Variants in DIRAS2 observed in about 807,000 individuals in gnomAD.
DIRAS2 encodes the protein GTP-binding protein Di-Ras2.
Under a neutral mutation model 13.9 loss-of-function variants are expected in DIRAS2, and 5 were observed. That is an observed-to-expected ratio of 0.36 (90% CI 0.19 to 0.76). DIRAS2 has a LOEUF of 0.76. Ranked by LOEUF, DIRAS2 falls within the 30% of genes least tolerant of loss-of-function variation. DIRAS2 has a pLI of 0.53. For synonymous variants in DIRAS2, 111 were observed against 105.4 expected, an observed-to-expected ratio of 1.05 and a Z score of -0.33; for missense variants, 191 against 263.0, an observed-to-expected ratio of 0.73 and a Z score of 1.89.
In DIRAS2 at chr9:90,635,225, A is replaced by G. The variant is rs1236952438; in HGVS notation, c.-37+7527T>C. On this transcript the variant is annotated intron_variant, in intron 1 of 1. Transcript: ENST00000375765. ...TAAAACAAGGAAGCTCTGGATGAAC[A>G]TTTCACGCCATGCAGGTATCTGGGG... is the stretch of plus-strand genomic sequence containing the variant. Among the ~76,000 whole-genome samples the G allele has an allele frequency of 3.3e-5, 5 of 152,194 alleles. No individual in the cohort carries two copies. The East Asian group carries it at 9.6e-4, about 29-fold the overall frequency.
At chr9:90,624,497 T>A (rs1376337745) in intron 1 of DIRAS2, among the ~76,000 whole-genome samples, 1 of 152,202 alleles carries the variant, frequency 6.6e-6, no homozygotes, top group African/African-American at 2.4e-5. Flanking sequence ...TCAAGATGCA[T>A]ACTACCTGCA....
intron 1 of DIRAS2, among the ~76,000 whole-genome samples, chr9:90,623,764 G>A (rs879541356): frequency 2.0e-5 from 3 of 152,272 alleles, no homozygotes; most frequent in Non-Finnish European, 2.9e-5. Flanking sequence ...ATGGAGCTGG[G>A]CATGGTGACA....
In DIRAS2 at chr9:90,611,562, GC is replaced by G. The variant is rs1825114041; in HGVS notation, c.*1665del. 6.6e-6 allele frequency: 1 copy of G among 152,604 alleles called. No individual in the cohort carries two copies. The highest frequency in any genetic ancestry group is 2.4e-5 in the African/African-American group (1 of 41,562). 9.5% of individuals were successfully genotyped at this position (152,604 alleles called of 1,614,324 possible). On this transcript the variant is annotated 3_prime_UTR_variant, in exon 2 of 2. Coordinates refer to ENST00000375765, the MANE Select transcript of DIRAS2 (RefSeq NM_017594.5). ...AAGTGTGCTTTGGGGGATGGAGATGGCCACACTGCTGCTGCTGCAAGCCCTG... is the reference window on the plus strand; with the variant it reads ...AAGTGTGCTTTGGGGGATGGAGATGGCACACTGCTGCTGCTGCAAGCCCTG...
At chr9:90,636,357 T>G (rs1466789095) in intron 1 of DIRAS2, among the ~76,000 whole-genome samples, 1 of 151,916 alleles carries the variant, frequency 6.6e-6, no homozygotes, top group Non-Finnish European at 1.5e-5. Flanking sequence ...AAGCCAAGGG[T>G]GTGGATAAGA....
chr9:90,620,638 C>A (rs371234934), intron 1 of DIRAS2, among the ~76,000 whole-genome samples: 68 of 151,994 alleles, frequency 4.5e-4, no homozygotes, highest in African/African-American at 1.3e-3. Flanking sequence ...TGCCTGTAAT[C>A]CCAGTTATTC....
At chr9:90,616,128 C>A (rs1225868516) in intron 1 of DIRAS2, among the ~76,000 whole-genome samples, 1 of 152,226 alleles carries the variant, frequency 6.6e-6, no homozygotes, top group Non-Finnish European at 1.5e-5. Flanking sequence ...CACATACACT[C>A]TTTATGAGTT....
At chr9:90,625,556 C>T (rs1825260803) in intron 1 of DIRAS2, among the ~76,000 whole-genome samples, 1 of 152,114 alleles carries the variant, frequency 6.6e-6, no homozygotes, top group Admixed American at 6.5e-5. Flanking sequence ...TTTATCCCAC[C>T]ACCATTTGTT....
chr9:90,620,539 T>C (rs1410671161), intron 1 of DIRAS2, among the ~76,000 whole-genome samples: 1 of 152,152 alleles, frequency 6.6e-6, no homozygotes, highest in East Asian at 1.9e-4. Flanking sequence ...GGTGGATCAC[T>C]TGAGACCAGC....
chr9:90,621,711 T>C (rs1825220882), intron 1 of DIRAS2, among the ~76,000 whole-genome samples: 1 of 152,228 alleles, frequency 6.6e-6, no homozygotes, highest in Non-Finnish European at 1.5e-5. Context: ...CATCATCTTC[T>C]GATGTCCACA....
intron 1 of DIRAS2, among the ~76,000 whole-genome samples, chr9:90,627,043 G>T (rs552645639): frequency 6.6e-6 from 1 of 152,120 alleles, no homozygotes; most frequent in Non-Finnish European, 1.5e-5. Flanking sequence ...CTTTGCAAAG[G>T]TGAGTAAGTT....
intron 1 of DIRAS2, among the ~76,000 whole-genome samples, chr9:90,627,002 TG>T (rs1825275772): frequency 6.6e-6 from 1 of 152,050 alleles, no homozygotes; most frequent in Admixed American, 6.5e-5. Context: ...GTTTGGATCA[TG>T]GGGGCAGATC....
At chr9:90,621,733 A>G (rs1825221001) in intron 1 of DIRAS2, among the ~76,000 whole-genome samples, 1 of 152,196 alleles carries the variant, frequency 6.6e-6, no homozygotes, top group Admixed American at 6.5e-5. Context: ...TTATAATTTT[A>G]AATCAGGCAC....
Position 90,613,258 on chromosome 9 carries a change from C to T in DIRAS2, c.570G>A (p.Glu190=). 2.5e-6 allele frequency: 4 copies of T among 1,613,946 alleles called. No individual in the cohort carries two copies. The highest frequency in any genetic ancestry group is 3.4e-6 in the Non-Finnish European group (4 of 1,179,998). The part of the protein sequence containing the change: ...GKKSKQQKRK[E]KLKGKCVIM The stretch of plus-strand genomic sequence containing the variant: ...TGATCACGCACTTGCCTTTGAGCTT[C>T]TCTTTCCTTTTCTGCTGCTTGCTCT... Residue 190 remains glutamate (E), a synonymous_variant, in exon 2 of 2, where the codon GAG becomes GAA. Transcript: ENST00000375765. This position sits in a 1 kb window ranked among gnomAD's most constrained non-coding sequence, Gnocchi z 5.6.
rs1164497912 is a variant in DIRAS2 at position 90,611,800 on chromosome 9, G to A, written c.*1428C>T. On this transcript the variant is annotated 3_prime_UTR_variant, in exon 2 of 2. Transcript: ENST00000375765. ...GATGCCACAGTTGGGGCCAGTAAATGTTCTGCCAACTGAAACAAACAGGAG... is the reference window on the plus strand; with the variant it reads ...GATGCCACAGTTGGGGCCAGTAAATATTCTGCCAACTGAAACAAACAGGAG... The A allele has an allele frequency of 6.6e-6, 1 of 152,256 alleles. No individual in the cohort carries two copies. The highest frequency in any genetic ancestry group is 6.5e-5 in the Admixed American group (1 of 15,280). The allele number at this position is 152,256 out of a possible 1,614,324, so 9.4% of individuals were successfully genotyped here.
intron 1 of DIRAS2, among the ~76,000 whole-genome samples, chr9:90,628,236 A>C (rs1825290375): frequency 6.6e-6 from 1 of 152,196 alleles, no homozygotes; most frequent in Admixed American, 6.5e-5. Flanking sequence ...ACACAGTGCC[A>C]CTGGCCCCTT....
chr9:90,613,519 T>A lies in DIRAS2; in HGVS notation c.309A>T (p.Gln103His). Reference protein sequence around the residue: ...SLEELKPIYEQICEIKGDVES... With the variant: ...SLEELKPIYEHICEIKGDVES... ...CCACGTCCCCTTTGATCTCGCAGAT[T>A]TGTTCGTAGATGGGCTTGAGCTCCT... The change falls in exon 2 of 2, where the codon CAA becomes CAT. Residue 103 changes from glutamine (Q) to histidine (H), a missense_variant. Physicochemically the swap from Gln to His is conservative, Grantham distance 24. Transcript: ENST00000375765. The surrounding 1 kb of genome is among the most constrained non-coding windows in gnomAD (Gnocchi z 5.6). The A allele has an allele frequency of 6.2e-7, 1 of 1,614,048 alleles. No individual in the cohort carries two copies. Among genetic ancestry groups the A allele is most frequent in the East Asian group, 2.2e-5 (1 of 44,852 alleles).
chr9:90,623,518 T>C (rs1045730513), intron 1 of DIRAS2, among the ~76,000 whole-genome samples: 38 of 152,092 alleles, frequency 2.5e-4, no homozygotes, highest in African/African-American at 8.9e-4. Flanking sequence ...CAAAAATATA[T>C]GTCAATAATT....
chr9:90,623,292 T>A (rs1358123865), intron 1 of DIRAS2, among the ~76,000 whole-genome samples: 1 of 152,176 alleles, frequency 6.6e-6, no homozygotes, highest in Non-Finnish European at 1.5e-5. Context: ...TGAGTACTCT[T>A]GAAGATGTGC....
intron 1 of DIRAS2, among the ~76,000 whole-genome samples, chr9:90,627,615 A>G (rs1825283396): frequency 1.3e-5 from 2 of 152,238 alleles, no homozygotes; most frequent in South Asian, 4.1e-4. Flanking sequence ...TGATGGTTGC[A>G]TAACAATGTG....
Sources: gnomAD v4.1 joint callset for allele counts (sites outside exome capture counted in the v4.1 genomes callset) on GRCh38, gnomAD v4.1.1 for gene constraint, Gnocchi (gnomAD v3.1) non-coding constraint, MANE v1.5 for transcripts, NCBI Gene and HGNC (gene_info 2026-07-23, HGNC 2026-07-21) for gene names.